The following CHL1 variants were observed in gnomAD, a reference collection of about 807,000 sequenced individuals.
CHL1 encodes cell adhesion molecule L1 like.
In CHL1, 96 loss-of-function variants were observed where a neutral mutation model predicts 141.9. The ratio of observed to expected loss-of-function variants is 0.68; its 90% CI spans 0.57 to 0.80. CHL1 has a LOEUF of 0.80. Among genes scored for constraint, CHL1 ranks in the 30% least tolerant of loss-of-function variants. The probability of loss-of-function intolerance (pLI) is 0.00; values close to 1 mark genes in which losing one functional copy is unlikely to be tolerated. For missense variants in CHL1, 1,820 were observed against 1,457.2 expected (o/e 1.25, Z -4.05); for synonymous variants, 613 against 502.2 (o/e 1.22, Z -2.95).
intron 15 of CHL1, among the ~76,000 whole-genome samples, chr3:375,870 C>T (rs1436495817): frequency 3.3e-5 from 5 of 152,088 alleles, no homozygotes; most frequent in Non-Finnish European, 5.9e-5. Context: ...AAGAGAGAAT[C>T]GTTTTGTCAT....
intron 15 of CHL1, among the ~76,000 whole-genome samples, chr3:367,819 T>C (rs1193572828): frequency 6.6e-6 from 1 of 152,158 alleles, no homozygotes; most frequent in Admixed American, 6.5e-5. Flanking sequence ...GTCCCTGGTA[T>C]GTGTGATTCA....
intron 9 of CHL1, among the ~76,000 whole-genome samples, chr3:347,097 A>G (rs1190052263): frequency 6.6e-6 from 1 of 152,162 alleles, no homozygotes; most frequent in Non-Finnish European, 1.5e-5. Context: ...CAGTATCTGA[A>G]CAAATGTGTT....
chr3:203,640 CT>C (rs1699149553), intron 1 of CHL1, among the ~76,000 whole-genome samples: 1 of 152,194 alleles, frequency 6.6e-6, no homozygotes, highest in Admixed American at 6.5e-5. Context: ...GGTGAAGTTC[CT>C]GGAAGGAGGT....
chr3:284,200 T>G (rs1460583968), intron 2 of CHL1, among the ~76,000 whole-genome samples: 1 of 151,964 alleles, frequency 6.6e-6, no homozygotes. Flanking sequence ...AGGCAGGAAG[T>G]TATAAGGGAA....
chr3:197,786 T>G (rs1289135650), intron 1 of CHL1: 1 of 455,278 alleles, frequency 2.2e-6, no homozygotes, highest in Admixed American at 2.4e-5. Flanking sequence ...GTGGTTGCCA[T>G]GGCTCCTGGT....
intron 2 of CHL1, among the ~76,000 whole-genome samples, chr3:307,411 C>G (rs1699338688): frequency 6.6e-6 from 1 of 152,118 alleles, no homozygotes; most frequent in South Asian, 2.1e-4. Context: ...GGCATTGTGA[C>G]AGAAATCTGC....
At chr3:259,643 C>G (rs186690968) in intron 2 of CHL1, among the ~76,000 whole-genome samples, 30 of 152,096 alleles carry the variant, frequency 2.0e-4, no homozygotes, top group African/African-American at 6.7e-4. Context: ...TTTCATAGCT[C>G]TTATTACTTC....
intron 1 of CHL1, among the ~76,000 whole-genome samples, chr3:241,785 A>G (rs560339167): frequency 1.3e-5 from 2 of 151,878 alleles, no homozygotes; most frequent in South Asian, 2.1e-4. Flanking sequence ...CTTGTTTTAC[A>G]TTTGGTGGGT....
intron 19 of CHL1, among the ~76,000 whole-genome samples, chr3:384,957 T>G (rs1707498772): frequency 6.6e-6 from 1 of 152,196 alleles, no homozygotes; most frequent in African/African-American, 2.4e-5. Context: ...AGATCTTTAT[T>G]TCCACTTCAG....
At chr3:320,479 C>T (rs560899044) in intron 3 of CHL1, among the ~76,000 whole-genome samples, 1 of 151,658 alleles carries the variant, frequency 6.6e-6, no homozygotes, top group Admixed American at 6.6e-5. Flanking sequence ...AGATTTTTAG[C>T]CATTATAAAT....
chr3:341,817 C>A lies in CHL1; in HGVS notation c.509-95C>A, dbSNP rs1181875344. On this transcript the variant is annotated intron_variant, in intron 6 of 27. Transcript: ENST00000256509. Reference sequence around the variant, plus strand: ...GGAATTAAAGAGCAAACAGGAAAAACCAAATGAAATAATAATGTAAAAGAA... The same window carrying A: ...GGAATTAAAGAGCAAACAGGAAAAAACAAATGAAATAATAATGTAAAAGAA... 1.5e-5 allele frequency: 16 copies of A among 1,084,568 alleles called. No homozygotes were observed. The Admixed American group carries it at 3.9e-4, about 27-fold the overall frequency. 67.2% of individuals were successfully genotyped at this position (1,084,568 alleles called of 1,614,324 possible).
At chr3:233,147 C>A (rs1702012931) in intron 1 of CHL1, among the ~76,000 whole-genome samples, 1 of 152,100 alleles carries the variant, frequency 6.6e-6, no homozygotes, top group Non-Finnish European at 1.5e-5. Context: ...TACTACAAAT[C>A]CACGATGGTC....
chr3:389,387 G>A lies in CHL1; in HGVS notation c.2383G>A (p.Ala795Thr). 6.2e-7 allele frequency: 1 copy of A among 1,614,180 alleles called. No individual in the cohort carries two copies. The highest frequency in any genetic ancestry group is 8.5e-7 in the Non-Finnish European group (1 of 1,180,024). The change falls in exon 20 of 28, where the codon GCC becomes ACC. Residue 795 changes from alanine (A) to threonine (T), a missense_variant. Coordinates refer to ENST00000256509, the MANE Select transcript of CHL1 (RefSeq NM_006614.4). Reference sequence around the variant, plus strand: ...GCGGGTGATGACGCCTGCTGTCTATGCCCCTTATGATGTCAAGGTCCAGGC... The same window carrying A: ...GCGGGTGATGACGCCTGCTGTCTATACCCCTTATGATGTCAAGGTCCAGGC... ...TLRVMTPAVY[A>T]PYDVKVQAIN...
intron 2 of CHL1, among the ~76,000 whole-genome samples, chr3:275,312 T>A (rs1170208118): frequency 6.6e-6 from 1 of 152,240 alleles, no homozygotes; most frequent in Non-Finnish European, 1.5e-5. Context: ...TCATATTCAC[T>A]GGTCAGATTT....
intron 1 of CHL1, among the ~76,000 whole-genome samples, chr3:226,374 T>A (rs1020954891): frequency 4.9e-5 from 7 of 144,304 alleles, no homozygotes; most frequent in African/African-American, 7.6e-5. Flanking sequence ...ATAGAATATT[T>A]TATATATATA....
At chr3:290,451 G>A (rs1037510175) in intron 2 of CHL1, among the ~76,000 whole-genome samples, 5 of 152,156 alleles carry the variant, frequency 3.3e-5, no homozygotes, top group African/African-American at 1.2e-4. Flanking sequence ...TTCTAGGTTA[G>A]AAAAGAGAAA....
Position 377,939 on chromosome 3 carries a change from C to G in CHL1, c.1873C>G (p.Leu625Val), listed in dbSNP as rs1424770076. 1 of 1,603,490 alleles carries G rather than the reference C, an allele frequency of 6.2e-7. No individual in the cohort carries two copies. The highest frequency in any genetic ancestry group is 8.5e-7 in the Non-Finnish European group (1 of 1,176,844). The change falls in exon 16 of 28, where the codon CTT (leucine) becomes GTT (valine). Residue 625 changes from leucine to valine, a missense_variant. Coordinates refer to ENST00000256509, the MANE Select transcript of CHL1 (RefSeq NM_006614.4). ...SAADITQVTV[L>V]DVPDPPENLH... is the part of the protein sequence containing the mutation. ...TGCCGATATAACTCAAGTAACTGTT[C>G]TTGGTAAGTGCACTAACTAATGAGA...
In CHL1 at chr3:387,341, G is replaced by T. The variant is rs749977212; in HGVS notation, c.2248-1911G>T. On this transcript the variant is annotated intron_variant, in intron 19 of 27. Transcript: ENST00000256509. ...CGAGAGGCAGAGGGAAGGGAAGGCT[G>T]GTGGCCTCTTCCTGCTTACTCTGCC... 5.3e-5 allele frequency among the ~76,000 whole-genome samples: 8 copies of T among 152,150 alleles called. No homozygotes were observed. The South Asian group carries it at 6.2e-4, about 12-fold the overall frequency.
chr3:359,091 C>T (rs1703976943), intron 11 of CHL1, among the ~76,000 whole-genome samples: 1 of 150,040 alleles, frequency 6.7e-6, no homozygotes, highest in South Asian at 2.1e-4. Flanking sequence ...ATAGCAAGGG[C>T]AGGGCTTTTA....
Sources: gnomAD v4.1 joint callset for allele counts (sites outside exome capture counted in the v4.1 genomes callset) on GRCh38, gnomAD v4.1.1 for gene constraint, MANE v1.5 for transcripts, NCBI Gene and HGNC (gene_info 2026-07-23, HGNC 2026-07-21) for gene names.